The following IGDCC3 variants were observed in gnomAD, a reference collection of about 807,000 sequenced individuals.
The protein encoded by IGDCC3 is immunoglobulin superfamily DCC subclass member 3.
IGDCC3 carries 47 observed loss-of-function variants against 72.0 expected under a neutral mutation model. The ratio of observed to expected loss-of-function variants is 0.65; its 90% CI spans 0.52 to 0.83. The LOEUF (loss-of-function observed/expected upper bound fraction) is 0.83. IGDCC3 is among the 40% of genes least tolerant of loss of function. The probability of loss-of-function intolerance (pLI) is 0.00; values close to 1 mark genes in which losing one functional copy is unlikely to be tolerated. For missense variants in IGDCC3, 1,038 were observed against 1,091.3 expected, an observed-to-expected ratio of 0.95 and a Z score of 0.69; for synonymous variants, 477 against 472.8, an observed-to-expected ratio of 1.01 and a Z score of -0.11.
In IGDCC3 at chr15:65,331,554, C is replaced by T; in HGVS notation, c.1254G>A (p.Leu418=). ...SSQASARLTV[L]WAEGLPGPPR... ...GAGGCCCGGGGAGCCCCTCAGCCCACAGTACGGTCAGCCTGGCACTGGCCT... is the reference window on the plus strand; with the variant it reads ...GAGGCCCGGGGAGCCCCTCAGCCCATAGTACGGTCAGCCTGGCACTGGCCT... Residue 418 remains leucine (L), a synonymous_variant, in exon 8 of 14, where the codon CTG becomes CTA. Transcript: ENST00000327987. 1 of 1,613,764 alleles carries T rather than the reference C, an allele frequency of 6.2e-7. No homozygotes were observed. The highest frequency in any genetic ancestry group is 8.5e-7 in the Non-Finnish European group (1 of 1,179,908).
chr15:65,336,573 G>A (rs1328388690), intron 2 of IGDCC3, among the ~76,000 whole-genome samples: 1 of 151,922 alleles, frequency 6.6e-6, no homozygotes, highest in Non-Finnish European at 1.5e-5. Context: ...GTCTCTCGAT[G>A]CACCCCAAGA....
chr15:65,328,869 G>GCC lies in IGDCC3; in HGVS notation c.*38_*39dup. On this transcript the variant is annotated 3_prime_UTR_variant, in exon 14 of 14. Transcript: ENST00000327987. ...AATCTTGCTTTTGACCTGAGAATGG[G>GCC]CCCCGCTCCGTCCACCCTCTGGAGC... The GCC allele has an allele frequency of 6.7e-7, 1 of 1,501,494 alleles. No individual in the cohort carries two copies. Among genetic ancestry groups the GCC allele is most frequent in the Non-Finnish European group, 8.9e-7 (1 of 1,127,280 alleles). The allele number at this position is 1,501,494 out of a possible 1,614,324, so 93.0% of individuals were successfully genotyped here.
intron 2 of IGDCC3, among the ~76,000 whole-genome samples, chr15:65,340,266 G>A (rs1296954824): frequency 6.6e-6 from 1 of 152,150 alleles, no homozygotes; most frequent in Non-Finnish European, 1.5e-5. Flanking sequence ...GCCTGGATCT[G>A]ATTAGACAGG....
intron 2 of IGDCC3, among the ~76,000 whole-genome samples, chr15:65,360,597 T>G (rs551370100): frequency 6.6e-6 from 1 of 152,158 alleles, no homozygotes; most frequent in East Asian, 1.9e-4. Context: ...ATAACCCAAG[T>G]TGGGGGAGGG....
At position 65,330,579 on chromosome 15, in the gene IGDCC3, G is replaced by A; in HGVS notation, c.1724C>T (p.Thr575Ile). The change falls in exon 10 of 14, where the codon ACC (threonine) becomes ATC (isoleucine). Residue 575 changes from threonine to isoleucine, a missense_variant. By Grantham distance (89) the Thr-to-Ile change is moderately conservative. Transcript: ENST00000327987. ...CTGGCTGAGGTTGTAGGAGGAGACG[G>A]TTCCAGGCAGCAGGATGGGGCCGGT... The part of the protein sequence containing the change: ...SFTGPILLPG[T>I]VSSYNLSQLD... The A allele has an allele frequency of 6.2e-7, 1 of 1,613,568 alleles. No individual in the cohort carries two copies. The highest frequency in any genetic ancestry group is 1.1e-5 in the South Asian group (1 of 91,054).
At chr15:65,330,791 T>TCTAC (rs1404375543) in intron 9 of IGDCC3, 50 bp from the exon 10 acceptor site, 1 of 1,442,268 alleles carries the variant, frequency 6.9e-7, no homozygotes. Context: ...GGAAGCTCTA[T>TCTAC]CTTTCTACCT....
chr15:65,338,244 G>A (rs2091047915), intron 2 of IGDCC3, among the ~76,000 whole-genome samples: 1 of 152,244 alleles, frequency 6.6e-6, no homozygotes, highest in Non-Finnish European at 1.5e-5. Flanking sequence ...CCTTCCGTCA[G>A]AGCAGCACCT....
chr15:65,355,713 A>G (rs1454608817), intron 2 of IGDCC3: 1 of 429,512 alleles, frequency 2.3e-6, no homozygotes, highest in Non-Finnish European at 4.5e-6. Context: ...GGCGCTGGCT[A>G]ATTACCTCGC....
intron 2 of IGDCC3, among the ~76,000 whole-genome samples, chr15:65,340,342 C>A (rs1243732837): frequency 6.6e-6 from 1 of 152,124 alleles, no homozygotes; most frequent in East Asian, 1.9e-4. Context: ...CTCAGGCCCC[C>A]CACCCTTTGG....
chr15:65,373,036 G>C (rs1258767913), intron 2 of IGDCC3, among the ~76,000 whole-genome samples: 1 of 152,110 alleles, frequency 6.6e-6, no homozygotes. Flanking sequence ...TTAATTTCTT[G>C]TACTATATTG....
At chr15:65,333,159 G>T in intron 6 of IGDCC3, 98 bp downstream of exon 6, 1 of 1,232,150 alleles carries the variant, frequency 8.1e-7, no homozygotes, top group Non-Finnish European at 1.1e-6. Context: ...GAGTCCAGGA[G>T]ACTGGGGTGG....
chr15:65,353,739 C>G (rs1045666427), intron 2 of IGDCC3, among the ~76,000 whole-genome samples: 3 of 152,190 alleles, frequency 2.0e-5, no homozygotes, highest in Admixed American at 6.5e-5. Flanking sequence ...AGCACCATGA[C>G]AGTTTACAAA....
intron 2 of IGDCC3, among the ~76,000 whole-genome samples, chr15:65,370,439 G>A (rs138853012): frequency 0.02 from 2,976 of 149,466 alleles, 98 homozygotes; most frequent in African/African-American, 0.07. Flanking sequence ...GCTTGAACCC[G>A]GGAGGCAGAT....
At position 65,339,397 on chromosome 15, in the gene IGDCC3, T is replaced by C. The variant is rs1447014694; in HGVS notation, c.410-3441A>G. Among the ~76,000 whole-genome samples the C allele has an allele frequency of 6.6e-6, 1 of 152,240 alleles. No individual in the cohort carries two copies. The highest frequency in any genetic ancestry group is 1.5e-5 in the Non-Finnish European group (1 of 68,048). On this transcript the variant is annotated intron_variant, in intron 2 of 13. Coordinates refer to ENST00000327987, the MANE Select transcript of IGDCC3 (RefSeq NM_004884.4). The surrounding 1 kb of genome is among the most constrained non-coding windows in gnomAD (Gnocchi z 4.1). ...GCCTGGCCAATTTTTGTATTTCTTA[T>C]AGAGACAGGGTCTCCCTACGTTGCC...
In IGDCC3 at chr15:65,340,413, G is replaced by C. The variant is rs928940107; in HGVS notation, c.410-4457C>G. Among the ~76,000 whole-genome samples the C allele has an allele frequency of 2.6e-5, 4 of 152,184 alleles. No homozygotes were observed. In the South Asian group the frequency reaches 8.3e-4, roughly 32 times the overall value. Reference sequence around the variant, plus strand: ...AAAGATCTGGGGGCATGTTTGGATGGAGAGTTCAAAACATAACCTTTGCAA... The same window carrying C: ...AAAGATCTGGGGGCATGTTTGGATGCAGAGTTCAAAACATAACCTTTGCAA... On this transcript the variant is annotated intron_variant, in intron 2 of 13. Coordinates refer to ENST00000327987, the MANE Select transcript of IGDCC3 (RefSeq NM_004884.4).
chr15:65,334,740 A>T lies in IGDCC3; in HGVS notation c.811T>A (p.Trp271Arg). The change falls in exon 5 of 14, where the codon TGG becomes AGG. Residue 271 changes from tryptophan (W) to arginine (R), a missense_variant. Trp to Arg is a moderately radical substitution (Grantham distance 101). Transcript: ENST00000327987. ...GGATGAGGCTCACCCAGGCGGCTCC[A>T]GGACACAATGGGGCGCGGGTTGCCC... is the stretch of plus-strand genomic sequence containing the variant. ...ATGNPRPIVS[W>R]SRLDGRPIGV... The T allele has an allele frequency of 6.3e-7, 1 of 1,579,102 alleles. No homozygotes were observed. The highest frequency in any genetic ancestry group is 1.3e-5 in the African/African-American group (1 of 74,278).
chr15:65,377,823 G>A lies in IGDCC3; in HGVS notation c.-35C>T. 1 of 1,168,678 alleles carries A rather than the reference G, an allele frequency of 8.6e-7. No individual in the cohort carries two copies. The highest frequency in any genetic ancestry group is 3.9e-5 in the East Asian group (1 of 25,820). 72.4% of individuals were successfully genotyped at this position (1,168,678 alleles called of 1,614,324 possible). On this transcript the variant is annotated 5_prime_UTR_variant, in exon 1 of 14. Coordinates refer to ENST00000327987, the MANE Select transcript of IGDCC3 (RefSeq NM_004884.4). This position sits in a 1 kb window ranked among gnomAD's most constrained non-coding sequence, Gnocchi z 4.9. ...GGTCAGCTCGGCTCGGCGACGCGCG[G>A]CTCCCGGGCCTCTCGCGGCTCACAG...
chr15:65,345,156 C>T (rs868690138), intron 2 of IGDCC3, among the ~76,000 whole-genome samples: 3 of 152,222 alleles, frequency 2.0e-5, no homozygotes. Context: ...CAGATACTTA[C>T]TGAATGCTAA....
Position 65,331,097 on chromosome 15 carries a change from C to T in IGDCC3, c.1514G>A (p.Gly505Glu), listed in dbSNP as rs1260148826. 1 of 1,614,000 alleles carries T rather than the reference C, an allele frequency of 6.2e-7. No homozygotes were observed. The highest frequency in any genetic ancestry group is 8.5e-7 in the Non-Finnish European group (1 of 1,180,036). The change falls in exon 9 of 14, where the codon GGG becomes GAG. Residue 505 changes from glycine to glutamate, a missense_variant. Gly to Glu is a moderately conservative substitution (Grantham distance 98). Transcript: ENST00000327987. ...GGTGGGCACAGAGGCTGAGCTGGCC[C>T]CCCTTGGTGTGTAGGCCTTGATGTA... Reference protein sequence around the residue: ...SFYIKAYTPRGASSASVPTLA... With the variant: ...SFYIKAYTPREASSASVPTLA...
Sources: allele counts gnomAD v4.1 joint callset (sites outside exome capture counted in the v4.1 genomes callset), GRCh38; gene constraint gnomAD v4.1.1; non-coding constraint Gnocchi (gnomAD v3.1); transcripts MANE v1.5; gene names NCBI Gene and HGNC (gene_info 2026-07-23, HGNC 2026-07-21).